Variants in CACNA1A observed in about 807,000 individuals in gnomAD.
CACNA1A encodes the protein calcium voltage-gated channel subunit alpha1 A, also known as voltage-dependent P/Q-type calcium channel subunit alpha-1A.
A neutral mutation model predicts 262.4 loss-of-function variants in CACNA1A; 57 were observed. That is an observed-to-expected ratio of 0.22 (90% CI 0.18 to 0.27). The LOEUF (loss-of-function observed/expected upper bound fraction) is 0.27, where lower values mean the gene tolerates loss of function less well. Ranked by LOEUF, CACNA1A falls within the 10% of genes least tolerant of loss-of-function variation. The probability of loss-of-function intolerance (pLI) is 1.00; values close to 1 mark genes in which losing one functional copy is unlikely to be tolerated. For synonymous variants in CACNA1A, 1,431 were observed against 1,419.3 expected, an observed-to-expected ratio of 1.01 and a Z score of -0.18; for missense variants, 2,526 against 3,562.8, an observed-to-expected ratio of 0.71 and a Z score of 7.41.
intron 38 of CACNA1A, among the ~76,000 whole-genome samples, chr19:13,215,445 G>A (rs571971433): frequency 1.2e-3 from 174 of 149,084 alleles, no homozygotes; most frequent in African/African-American, 4.0e-3. Context: ...TCAGCCTCCC[G>A]AGTAGCTGGG....
At chr19:13,348,656 T>C (rs1000055796) in intron 6 of CACNA1A, among the ~76,000 whole-genome samples, 2 of 152,036 alleles carry the variant, frequency 1.3e-5, no homozygotes, top group African/African-American at 2.4e-5. Flanking sequence ...GCCAACATGG[T>C]GAAACCCCGT....
At chr19:13,210,745 G>A (rs1166700918) in intron 43 of CACNA1A, 93 bp from the exon 44 acceptor site, 6 of 1,301,036 alleles carry the variant, frequency 4.6e-6, no homozygotes, top group Non-Finnish European at 6.5e-6. Context: ...GGTGGTGCAT[G>A]GAGAAGAAGC....
At chr19:13,333,065 T>G in intron 8 of CACNA1A, 140 bp from the exon 9 acceptor site, 1 of 624,506 alleles carries the variant, frequency 1.6e-6, no homozygotes, top group Non-Finnish European at 2.9e-6. Context: ...AACATGCTGC[T>G]GGGTGGTTTG....
At chr19:13,469,516 G>T (rs2061314133) in intron 1 of CACNA1A, among the ~76,000 whole-genome samples, 4 of 135,688 alleles carry the variant, frequency 2.9e-5, no homozygotes, top group Middle Eastern at 4.3e-3. Flanking sequence ...TGTCGCCCAG[G>T]CTGGAGTACA....
In CACNA1A at chr19:13,209,460, G is replaced by A. The variant is rs16050; in HGVS notation, c.6378C>T (p.Ser2126=). Residue 2126 remains serine, a synonymous_variant, in exon 45 of 47, where the codon TCC becomes TCT. Coordinates refer to ENST00000360228, the MANE Select transcript of CACNA1A (RefSeq NM_001127222.2). ...GGCGTCGGGCCTTGGGGCCCAGCAC[G>A]GAGGCTGAACGCTTCATGGGGCTGG... ...SDTSPMKRSA[S]VLGPKARRLD... 3.8e-3 allele frequency: 5,209 copies of A among 1,366,650 alleles called. 154 individuals are homozygous for A. In the African/African-American group the frequency reaches 0.066, roughly 17 times the overall value. The allele number at this position is 1,366,650 out of a possible 1,614,324, so 84.7% of individuals were successfully genotyped here.
In CACNA1A at chr19:13,245,224, A is replaced by G; in HGVS notation, c.4908T>C (p.Thr1636=). 1.2e-6 allele frequency: 2 copies of G among 1,614,020 alleles called. No homozygotes were observed. Among genetic ancestry groups the G allele is most frequent in the Non-Finnish European group, 1.7e-6 (2 of 1,179,858 alleles). Reference sequence around the variant, plus strand: ...GGATATCGGTGATGCTGCCCAGAACAGTCACAAAGTCGAAGATGTTCCAGG... The same window carrying G: ...GGATATCGGTGATGCTGCCCAGAACGGTCACAAAGTCGAAGATGTTCCAGG... ...RDAWNIFDFV[T]VLGSITDILV... is the part of the protein sequence containing the mutation. The change falls in exon 31 of 47, where the codon ACT becomes ACC. Residue 1636 remains threonine (T), a synonymous_variant. Coordinates refer to ENST00000360228, the MANE Select transcript of CACNA1A (RefSeq NM_001127222.2).
chr19:13,460,685 G>T (rs549901443), intron 1 of CACNA1A, among the ~76,000 whole-genome samples: 3 of 151,820 alleles, frequency 2.0e-5, no homozygotes, highest in East Asian at 1.9e-4. Context: ...CTACAGCAAC[G>T]CCGGCCTCCC....
At chr19:13,244,966 A>C in intron 31 of CACNA1A, 1 of 585,944 alleles carries the variant, frequency 1.7e-6, no homozygotes, top group Non-Finnish European at 3.0e-6. Context: ...CTGGCCCTAC[A>C]GCCAAGCTTT....
chr19:13,230,570 C>T (rs1364243946), intron 35 of CACNA1A, among the ~76,000 whole-genome samples: 25 of 151,884 alleles, frequency 1.6e-4, no homozygotes, highest in Non-Finnish European at 3.5e-4. Flanking sequence ...TTTGGGAGGC[C>T]GAGGTGGACA....
intron 15 of CACNA1A, among the ~76,000 whole-genome samples, chr19:13,305,823 A>G (rs1010367096): frequency 6.6e-6 from 1 of 152,138 alleles, no homozygotes; most frequent in Non-Finnish European, 1.5e-5. Flanking sequence ...GCACTTTGGG[A>G]GGCCGAGGCA....
chr19:13,498,715 A>G (rs1686736377), intron 1 of CACNA1A, among the ~76,000 whole-genome samples: 1 of 152,168 alleles, frequency 6.6e-6, no homozygotes, highest in Admixed American at 6.5e-5. Flanking sequence ...CATTCATTCC[A>G]ATAAAAAGTC....
intron 6 of CACNA1A, among the ~76,000 whole-genome samples, chr19:13,357,050 A>G (rs184292431): frequency 9.8e-5 from 15 of 152,318 alleles, no homozygotes; most frequent in Admixed American, 9.2e-4. Context: ...GATATGAATG[A>G]CATTCTTGTG....
intron 19 of CACNA1A, among the ~76,000 whole-genome samples, chr19:13,297,613 C>T (rs917632044): frequency 6.6e-6 from 1 of 152,096 alleles, no homozygotes; most frequent in Non-Finnish European, 1.5e-5. Context: ...GAGTTTGAGA[C>T]CAGCCTGGGA....
chr19:13,308,374 C>CAA lies in CACNA1A; in HGVS notation c.1781+41_1781+42insTT. 1.7e-5 allele frequency: 23 copies of CAA among 1,374,664 alleles called. No homozygotes were observed. The highest frequency in any genetic ancestry group is 2.1e-5 in the Non-Finnish European group (21 of 977,638). The allele number at this position is 1,374,664 out of a possible 1,614,324, so 85.2% of individuals were successfully genotyped here. On this transcript the variant is annotated intron_variant, in intron 13 of 46. Coordinates refer to ENST00000360228, the MANE Select transcript of CACNA1A (RefSeq NM_001127222.2). The surrounding 1 kb of genome is among the most constrained non-coding windows in gnomAD (Gnocchi z 4.2). ...GAGGCGGCCCCACCATGTCCCCCATCCCCACCCCCTGTACAAATGTCCAGG... is the reference window on the plus strand; with the variant it reads ...GAGGCGGCCCCACCATGTCCCCCATCAACCCACCCCCTGTACAAATGTCCAGG...
chr19:13,255,453 C>T (rs933079630), intron 28 of CACNA1A, among the ~76,000 whole-genome samples, 194 bp from the exon 29 acceptor site: 1 of 152,090 alleles, frequency 6.6e-6, no homozygotes, highest in African/African-American at 2.4e-5. Context: ...GCTACAGTTG[C>T]TTGAGATGTC....
chr19:13,418,406 C>A (rs1412513565), intron 3 of CACNA1A, among the ~76,000 whole-genome samples: 1 of 152,074 alleles, frequency 6.6e-6, no homozygotes, highest in South Asian at 2.1e-4. Context: ...AACAGTGAAC[C>A]CTCCAGAAGT....
chr19:13,248,183 C>T (rs1049719157), intron 30 of CACNA1A, among the ~76,000 whole-genome samples: 1 of 152,000 alleles, frequency 6.6e-6, no homozygotes, highest in Non-Finnish European at 1.5e-5. Context: ...CAAACAAAGA[C>T]AACTTTATAG....
chr19:13,397,198 A>G (rs1408429247), intron 3 of CACNA1A, among the ~76,000 whole-genome samples: 1 of 152,146 alleles, frequency 6.6e-6, no homozygotes, highest in Non-Finnish European at 1.5e-5. Context: ...TTCTGAGGTC[A>G]AAGTCTGGAG....
At chr19:13,491,914 G>A (rs1290497768) in intron 1 of CACNA1A, among the ~76,000 whole-genome samples, 1 of 152,104 alleles carries the variant, frequency 6.6e-6, no homozygotes, top group African/African-American at 2.4e-5. Flanking sequence ...GGAGGGAGGA[G>A]GCCGATACCT....
Sources: allele counts gnomAD v4.1 joint callset (sites outside exome capture counted in the v4.1 genomes callset), GRCh38; gene constraint gnomAD v4.1.1; non-coding constraint Gnocchi (gnomAD v3.1); transcripts MANE v1.5; gene names NCBI Gene and HGNC (gene_info 2026-07-23, HGNC 2026-07-21).